Variants in ACYP2 observed in about 807,000 individuals in gnomAD.
ACYP2 encodes acylphosphatase 2.
ACYP2 carries 12 observed loss-of-function variants against 11.2 expected under a neutral mutation model. The observed-to-expected ratio is 1.08, with a 90% CI of 0.69 to 1.74. The LOEUF is 1.74. Among genes scored for constraint, ACYP2 ranks in the 40% most tolerant of loss-of-function variants. The probability of loss-of-function intolerance (pLI) is 0.00; values close to 1 mark genes in which losing one functional copy is unlikely to be tolerated. For synonymous variants in ACYP2, 43 were observed against 32.2 expected (o/e 1.33, Z -1.13); for missense variants, 134 against 101.9 (o/e 1.31, Z -1.35).
chr2:54,273,414 T>C (rs1221138478), intron 6 of ACYP2, among the ~76,000 whole-genome samples: 2 of 152,230 alleles, frequency 1.3e-5, no homozygotes, highest in Non-Finnish European at 2.9e-5. Context: ...TTTGTAATTA[T>C]GGTTTTTAAA....
At chr2:54,212,580 A>T (rs1385117080) in intron 6 of ACYP2, among the ~76,000 whole-genome samples, 2 of 152,174 alleles carry the variant, frequency 1.3e-5, no homozygotes, top group African/African-American at 4.8e-5. Flanking sequence ...TCCAATGAAT[A>T]CAAAGAAAAT....
intron 6 of ACYP2, among the ~76,000 whole-genome samples, chr2:54,302,041 A>G (rs1168354753): frequency 6.6e-6 from 1 of 152,216 alleles, no homozygotes; most frequent in East Asian, 1.9e-4. Context: ...CTCCCAGGCC[A>G]TACTTTTGGC....
At chr2:54,096,206 G>T (rs1391600028) in intron 4 of ACYP2, among the ~76,000 whole-genome samples, 1 of 146,744 alleles carries the variant, frequency 6.8e-6, no homozygotes, top group Admixed American at 6.7e-5. Context: ...CGGGGCGGCC[G>T]GGCAGAGACG....
chr2:54,100,925 A>G (rs1678859685), intron 4 of ACYP2, among the ~76,000 whole-genome samples: 1 of 152,212 alleles, frequency 6.6e-6, no homozygotes, highest in African/African-American at 2.4e-5. Context: ...AGGTGCTAGG[A>G]GACTCTTGAA....
chr2:54,270,198 T>C (rs1217144659), intron 6 of ACYP2, among the ~76,000 whole-genome samples: 3 of 152,130 alleles, frequency 2.0e-5, no homozygotes, highest in African/African-American at 7.2e-5. Flanking sequence ...AGTTTTTTTA[T>C]GTTAAAATCA....
intron 6 of ACYP2, among the ~76,000 whole-genome samples, chr2:54,283,715 C>A (rs1180172753): frequency 1.3e-5 from 2 of 152,182 alleles, no homozygotes; most frequent in Admixed American, 6.5e-5. Flanking sequence ...GAATTTCCAA[C>A]AATAGGAAGT....
chr2:54,097,248 C>T (rs1678642704), intron 4 of ACYP2, among the ~76,000 whole-genome samples: 1 of 152,210 alleles, frequency 6.6e-6, no homozygotes, highest in Non-Finnish European at 1.5e-5. Flanking sequence ...TTACCCACTT[C>T]TACATATTAT....
chr2:54,011,205 T>C (rs1371474630), intron 2 of ACYP2, among the ~76,000 whole-genome samples: 1 of 152,174 alleles, frequency 6.6e-6, no homozygotes, highest in Non-Finnish European at 1.5e-5. Context: ...GGAAATAATA[T>C]AACACTTTTA....
intron 6 of ACYP2, among the ~76,000 whole-genome samples, chr2:54,266,577 G>T (rs1171274733): frequency 1.6e-5 from 2 of 121,402 alleles, no homozygotes; most frequent in East Asian, 2.8e-4. Context: ...GATAGATATA[G>T]ATATCTATCT....
chr2:54,255,254 T>C lies in ACYP2; in HGVS notation c.405-49434T>C, dbSNP rs1305985885. On this transcript the variant is annotated intron_variant, in intron 6 of 6. Coordinates refer to ENST00000607452, the MANE Select transcript of ACYP2 (RefSeq NM_001320586.2). ...AGCTTGTTTCTGAAGTAAGGGTTTC[T>C]TTGAAAGAAGAACTTAAACTTGCAG... 14 of 1,614,106 alleles carry C rather than the reference T, an allele frequency of 8.7e-6. No individual in the cohort carries two copies. The highest frequency in any genetic ancestry group is 1.2e-5 in the Non-Finnish European group (14 of 1,180,056).
At chr2:53,980,706 C>G (rs1328476647) in intron 2 of ACYP2, among the ~76,000 whole-genome samples, 2 of 152,078 alleles carry the variant, frequency 1.3e-5, no homozygotes, top group African/African-American at 4.8e-5. Context: ...AGAGCAAGTT[C>G]TAGTCCTACA....
At chr2:54,210,243 G>C (rs1685278349) in intron 6 of ACYP2, among the ~76,000 whole-genome samples, 6 of 151,084 alleles carry the variant, frequency 4.0e-5, no homozygotes, top group Non-Finnish European at 7.4e-5. Context: ...ATAAAGCAGA[G>C]TTCCCCAAGT....
intron 6 of ACYP2, among the ~76,000 whole-genome samples, chr2:54,223,681 T>C (rs111389535): frequency 6.6e-6 from 1 of 152,286 alleles, no homozygotes; most frequent in South Asian, 2.1e-4. Context: ...GTCAGAATTA[T>C]TTTCAGTGGG....
intron 6 of ACYP2, among the ~76,000 whole-genome samples, chr2:54,256,944 G>C (rs529817771): frequency 0.013 from 2,049 of 152,336 alleles, 20 homozygotes; most frequent in South Asian, 0.028. Context: ...TGGGATTACA[G>C]GCATGAGCAA....
At chr2:54,119,144 G>A (rs1321532488) in intron 4 of ACYP2, among the ~76,000 whole-genome samples, 7 of 141,134 alleles carry the variant, frequency 5.0e-5, no homozygotes, top group Non-Finnish European at 7.5e-5. Context: ...TGAGCTCCTG[G>A]GCTCATATGA....
chr2:54,052,549 C>T (rs553503026), intron 3 of ACYP2, among the ~76,000 whole-genome samples: 7 of 152,182 alleles, frequency 4.6e-5, no homozygotes, highest in East Asian at 3.9e-4. Context: ...GCTCTGTTAA[C>T]GTAATATTAC....
chr2:54,022,885 A>C (rs1452121377), intron 2 of ACYP2, among the ~76,000 whole-genome samples: 1 of 152,136 alleles, frequency 6.6e-6, no homozygotes, highest in Non-Finnish European at 1.5e-5. Context: ...TCCTTAGCTC[A>C]TACGCCTTTT....
chr2:54,165,525 T>TCACACACACACA (rs1466687579), intron 6 of ACYP2, among the ~76,000 whole-genome samples: 1 of 135,316 alleles, frequency 7.4e-6, no homozygotes, highest in African/African-American at 3.4e-5. Context: ...ACTCTCTCTC[T>TCACACACACACA]CTCTCTCTCT....
chr2:53,990,963 A>C (rs1440372483), intron 2 of ACYP2, among the ~76,000 whole-genome samples: 1 of 151,842 alleles, frequency 6.6e-6, no homozygotes, highest in Non-Finnish European at 1.5e-5. Flanking sequence ...CGCCCGGCTA[A>C]TTTTTTATAT....
Sources: gnomAD v4.1 joint callset for allele counts (sites outside exome capture counted in the v4.1 genomes callset) on GRCh38, gnomAD v4.1.1 for gene constraint, MANE v1.5 for transcripts, NCBI Gene and HGNC (gene_info 2026-07-23, HGNC 2026-07-21) for gene names.